NT5C2: variants seen among roughly 807,000 people sequenced by gnomAD.
NT5C2 encodes 5'-nucleotidase, cytosolic II, also known as cytosolic purine 5'-nucleotidase.
A neutral mutation model predicts 76.1 loss-of-function variants in NT5C2; 58 were observed. The observed-to-expected ratio is 0.76, with a 90% confidence interval of 0.62 to 0.95. The LOEUF is 0.95. NT5C2 is among the 40% of genes least tolerant of loss of function. The probability of loss-of-function intolerance (pLI) is 0.00; values close to 1 mark genes in which losing one functional copy is unlikely to be tolerated. For synonymous variants in NT5C2, 229 were observed against 237.4 expected, an observed-to-expected ratio of 0.96 and a Z score of 0.32; for missense variants, 478 against 690.3, an observed-to-expected ratio of 0.69 and a Z score of 3.45.
intron 16 of NT5C2, 81 bp from the exon 17 acceptor site, chr10:103,091,077 C>G (rs2066702080): frequency 1.6e-6 from 2 of 1,284,904 alleles, no homozygotes; most frequent in Non-Finnish European, 2.2e-6. Context: ...TTCTGTCACT[C>G]AGGCTGGAGT....
chr10:103,121,221 T>C (rs1374749793), intron 4 of NT5C2, among the ~76,000 whole-genome samples: 1 of 152,176 alleles, frequency 6.6e-6, no homozygotes, highest in Non-Finnish European at 1.5e-5. Context: ...TTGTGCAACT[T>C]TGTGAATGTG....
chr10:103,139,502 A>G (rs1250923383), intron 3 of NT5C2, 23 bp from the exon 4 acceptor site: 59 of 1,403,602 alleles, frequency 4.2e-5, no homozygotes, highest in African/African-American at 1.7e-4. Flanking sequence ...ATAAAAAATA[A>G]TATCTCAACA....
chr10:103,136,904 T>G (rs966995092), intron 4 of NT5C2, among the ~76,000 whole-genome samples: 2 of 152,206 alleles, frequency 1.3e-5, no homozygotes, highest in Admixed American at 1.3e-4. Flanking sequence ...ATTACAGGCA[T>G]GAGCCACCGC....
At chr10:103,100,072 A>T in intron 8 of NT5C2, 53 bp from the exon 9 acceptor site, 2 of 1,229,720 alleles carry the variant, frequency 1.6e-6, no homozygotes, top group Non-Finnish European at 2.4e-6. Flanking sequence ...GGTAAACAAA[A>T]TATATATCAA....
intron 4 of NT5C2, among the ~76,000 whole-genome samples, chr10:103,130,648 T>C (rs2077995930): frequency 1.3e-5 from 2 of 151,244 alleles, no homozygotes; most frequent in South Asian, 4.2e-4. Flanking sequence ...CAGCTTAACA[T>C]TCCTACAGTC....
chr10:103,119,266 G>A (rs1257652832), intron 4 of NT5C2, among the ~76,000 whole-genome samples: 1 of 152,186 alleles, frequency 6.6e-6, no homozygotes, highest in Non-Finnish European at 1.5e-5. Context: ...CTACTCAGGA[G>A]GCTGAGGCAG....
chr10:103,160,811 G>A (rs1434227739), intron 3 of NT5C2, among the ~76,000 whole-genome samples: 4 of 152,236 alleles, frequency 2.6e-5, no homozygotes, highest in South Asian at 2.1e-4. Context: ...TCAAGAGATC[G>A]AGACCATCCT....
At chr10:103,129,771 CCCGGCCAGCCGCCCCGT>C (rs2077663647) in intron 4 of NT5C2, among the ~76,000 whole-genome samples, 1 of 111,642 alleles carries the variant, frequency 9.0e-6, no homozygotes, top group Non-Finnish European at 1.9e-5. Flanking sequence ...CAGCCCCCCG[CCCGGCCAGCCGCCCCGT>C]CCGGGAGGTG....
chr10:103,094,333 A>T lies in NT5C2; in HGVS notation c.921+15T>A. On this transcript the variant is annotated intron_variant, in intron 13 of 18. Transcript: ENST00000404739. ...GGACAATGTGCTAGCAAGACAGATC[A>T]TTCTCATGACTTACAGTATCCACCT... 1 of 1,470,314 alleles carries T rather than the reference A, an allele frequency of 6.8e-7. No homozygotes were observed. The highest frequency in any genetic ancestry group is 9.5e-7 in the Non-Finnish European group (1 of 1,048,748). 91.1% of individuals were successfully genotyped at this position (1,470,314 alleles called of 1,614,324 possible).
chr10:103,183,923 A>G (rs950955280), intron 1 of NT5C2, among the ~76,000 whole-genome samples: 1 of 151,934 alleles, frequency 6.6e-6, no homozygotes, highest in Admixed American at 6.6e-5. Context: ...CTCATCTTTT[A>G]AATAGTTCAT....
At chr10:103,178,344 T>C (rs1159031299) in intron 2 of NT5C2, among the ~76,000 whole-genome samples, 4 of 151,726 alleles carry the variant, frequency 2.6e-5, no homozygotes, top group African/African-American at 9.7e-5. Flanking sequence ...GCTCAAGAGT[T>C]TGAAAGCCTG....
chr10:103,144,930 C>T (rs946560175), intron 3 of NT5C2, among the ~76,000 whole-genome samples: 6 of 152,134 alleles, frequency 3.9e-5, no homozygotes, highest in Non-Finnish European at 8.8e-5. Context: ...TAGAAACAAT[C>T]ACTTCTGTCT....
chr10:103,156,423 A>G (rs1157548497), intron 3 of NT5C2, among the ~76,000 whole-genome samples: 1 of 152,242 alleles, frequency 6.6e-6, no homozygotes, highest in Non-Finnish European at 1.5e-5. Flanking sequence ...ATTGCTTCCT[A>G]ATAATGGATG....
chr10:103,103,277 A>G (rs939385270), intron 6 of NT5C2, among the ~76,000 whole-genome samples: 2 of 152,162 alleles, frequency 1.3e-5, no homozygotes, highest in African/African-American at 4.8e-5. Context: ...GTCTTAAGTC[A>G]CTCTTCTGAG....
intron 4 of NT5C2, among the ~76,000 whole-genome samples, chr10:103,135,512 C>T (rs970270325): frequency 9.2e-5 from 14 of 151,960 alleles, no homozygotes; most frequent in African/African-American, 1.4e-4. Flanking sequence ...CGGTGGCTCA[C>T]GCTTGTAATC....
At position 103,106,717 on chromosome 10, in the gene NT5C2, A is replaced by T. The variant is rs373347265; in HGVS notation, c.176-11T>A. The T allele has an allele frequency of 3.2e-4, 480 of 1,496,720 alleles. No individual in the cohort carries two copies. The highest frequency in any genetic ancestry group is 4.2e-4 in the Non-Finnish European group (449 of 1,076,014). 92.7% of individuals were successfully genotyped at this position (1,496,720 alleles called of 1,614,324 possible). A position where few individuals can be genotyped will look rare whatever the true frequency, so the allele number is the denominator to read the frequency against. On this transcript the variant is annotated splice_polypyrimidine_tract_variant and intron_variant, in intron 4 of 18. Coordinates refer to ENST00000404739, the MANE Select transcript of NT5C2 (RefSeq NM_001351169.2). The stretch of plus-strand genomic sequence containing the variant: ...CTGGGGACTTGTACACTGCACAAAG[A>T]GGAGGTTTTCATTAGTTAGCAGAAA...
intron 3 of NT5C2, among the ~76,000 whole-genome samples, chr10:103,163,601 G>C (rs1209610813): frequency 3.3e-5 from 5 of 150,888 alleles, no homozygotes; most frequent in African/African-American, 4.9e-5. Flanking sequence ...TCATAATTTG[G>C]TTATTTTCAT....
intron 1 of NT5C2, among the ~76,000 whole-genome samples, chr10:103,189,091 G>A (rs960619169): frequency 1.3e-5 from 2 of 151,396 alleles, no homozygotes; most frequent in African/African-American, 2.4e-5. Context: ...GAAATTTAAC[G>A]GCTTAAAAAA....
intron 3 of NT5C2, among the ~76,000 whole-genome samples, chr10:103,159,259 A>G (rs963015084): frequency 1.4e-5 from 2 of 146,042 alleles, no homozygotes; most frequent in African/African-American, 5.2e-5. Flanking sequence ...ATGCACACAC[A>G]CACACACACA....
Sources: gnomAD v4.1 joint callset for allele counts (sites outside exome capture counted in the v4.1 genomes callset) on GRCh38, gnomAD v4.1.1 for gene constraint, MANE v1.5 for transcripts, NCBI Gene and HGNC (gene_info 2026-07-23, HGNC 2026-07-21) for gene names.